CFAP77: variants seen among roughly 807,000 people sequenced by gnomAD.
The protein encoded by CFAP77 is cilia and flagella associated protein 77, also known as cilia- and flagella-associated protein 77.
CFAP77 carries 25 observed loss-of-function variants against 31.1 expected under a neutral mutation model. The ratio of observed to expected loss-of-function variants is 0.80; its 90% CI spans 0.59 to 1.12. The LOEUF is 1.12. CFAP77 is among the 50% of genes most tolerant of loss of function. The pLI, the probability that CFAP77 is intolerant of heterozygous loss-of-function variation, is 0.00. For synonymous variants in CFAP77, 151 were observed against 159.9 expected, an observed-to-expected ratio of 0.94 and a Z score of 0.42; for missense variants, 377 against 397.3, an observed-to-expected ratio of 0.95 and a Z score of 0.44.
At chr9:132,447,300 T>C (rs1315492634) in intron 1 of CFAP77, among the ~76,000 whole-genome samples, 1 of 152,232 alleles carries the variant, frequency 6.6e-6, no homozygotes, top group East Asian at 1.9e-4. Flanking sequence ...AGAACCTGCC[T>C]CTTTCTGGGG....
At chr9:132,530,944 G>GTATC (rs1380832156) in intron 3 of CFAP77, among the ~76,000 whole-genome samples, 1 of 152,088 alleles carries the variant, frequency 6.6e-6, no homozygotes, top group Non-Finnish European at 1.5e-5. Flanking sequence ...GTTAATTCTT[G>GTATC]TATCAGGTGT....
At chr9:132,465,073 C>CAAAAAAAAAAAAAAAAAAAAAAAAA (rs773917029) in intron 1 of CFAP77, among the ~76,000 whole-genome samples, 1 of 82,858 alleles carries the variant, frequency 1.2e-5, no homozygotes, top group African/African-American at 4.1e-5. Flanking sequence ...GACTCTGTCT[C>CAAAAAAAAAAAAAAAAAAAAAAAAA]AAAAAAAAAA....
chr9:132,479,007 A>G (rs929480656), intron 1 of CFAP77, among the ~76,000 whole-genome samples: 1 of 152,176 alleles, frequency 6.6e-6, no homozygotes, highest in Admixed American at 6.5e-5. Context: ...GTTGCACCAA[A>G]TCTGTCTATT....
chr9:132,477,972 T>G (rs1851378973), intron 1 of CFAP77, among the ~76,000 whole-genome samples: 1 of 152,172 alleles, frequency 6.6e-6, no homozygotes, highest in South Asian at 2.1e-4. Context: ...TCCAAATGTT[T>G]GCAATTTCTT....
chr9:132,428,815 C>T (rs1006141353), intron 1 of CFAP77, among the ~76,000 whole-genome samples: 1 of 151,944 alleles, frequency 6.6e-6, no homozygotes, highest in African/African-American at 2.4e-5. Flanking sequence ...TTTGAAGACC[C>T]CCCCCTGCTC....
At position 132,410,413 on chromosome 9, in the gene CFAP77, G is replaced by A. The variant is rs771510770; in HGVS notation, c.142G>A (p.Glu48Lys). 2 of 1,602,092 alleles carry A rather than the reference G, an allele frequency of 1.2e-6. No homozygotes were observed. Residue 48 changes from glutamate to lysine, a missense_variant, in exon 1 of 6, where the codon GAG becomes AAG. Glu to Lys is a moderately conservative substitution (Grantham distance 56). Coordinates refer to ENST00000393216, the MANE Select transcript of CFAP77 (RefSeq NM_001282957.2). Reference protein sequence around the residue: ...VADIRSGMENERLGVVRDSMF... With the variant: ...VADIRSGMENKRLGVVRDSMF... ...GGACATCCGTTCCGGCATGGAGAACGAGCGGCTGGGGGTCGTGCGGGACTC... is the reference window on the plus strand; with the variant it reads ...GGACATCCGTTCCGGCATGGAGAACAAGCGGCTGGGGGTCGTGCGGGACTC...
At chr9:132,462,768 G>T (rs1162410821) in intron 1 of CFAP77, among the ~76,000 whole-genome samples, 1 of 151,986 alleles carries the variant, frequency 6.6e-6, no homozygotes, top group African/African-American at 2.4e-5. Flanking sequence ...GTGAGCCGAG[G>T]TCGTGCCACC....
intron 4 of CFAP77, 143 bp from the exon 5 acceptor site, chr9:132,542,803 G>T: frequency 4.2e-6 from 2 of 471,556 alleles, no homozygotes; most frequent in Non-Finnish European, 8.1e-6. Flanking sequence ...AAACAGCCTT[G>T]GAGAAGGGCT....
In CFAP77 at chr9:132,497,497, C is replaced by T. The variant is rs1406786907; in HGVS notation, c.196-1198C>T. Among the ~76,000 whole-genome samples, 1 of 152,230 alleles carries T rather than the reference C, an allele frequency of 6.6e-6. No homozygotes were observed. The highest frequency in any genetic ancestry group is 6.5e-5 in the Admixed American group (1 of 15,280). On this transcript the variant is annotated intron_variant, in intron 1 of 5. Coordinates refer to ENST00000393216, the MANE Select transcript of CFAP77 (RefSeq NM_001282957.2). The surrounding 1 kb of genome is among the most constrained non-coding windows in gnomAD (Gnocchi z 4.9). ...TGGACAGTGGAAGGAGCAGCTGCAC[C>T]CACCCTTCTCAGTAATGGCCCCGGG...
chr9:132,471,185 T>C (rs1662844951), intron 1 of CFAP77, among the ~76,000 whole-genome samples: 2 of 152,074 alleles, frequency 1.3e-5, no homozygotes, highest in African/African-American at 4.8e-5. Context: ...ATGTAATCAG[T>C]TGGGAGAACC....
chr9:132,410,269 A>G lies in CFAP77; in HGVS notation c.-3A>G. 1 of 1,564,516 alleles carries G rather than the reference A, an allele frequency of 6.4e-7. No individual in the cohort carries two copies. The highest frequency in any genetic ancestry group is 8.6e-7 in the Non-Finnish European group (1 of 1,157,706). ...GCGGGCCGGCTCCCCGGCGACCTCAAGGATGCCAGAGGCCAGGAGCTCCGG... is the reference window on the plus strand; with the variant it reads ...GCGGGCCGGCTCCCCGGCGACCTCAGGGATGCCAGAGGCCAGGAGCTCCGG... On this transcript the variant is annotated 5_prime_UTR_variant, in exon 1 of 6. Coordinates refer to ENST00000393216, the MANE Select transcript of CFAP77 (RefSeq NM_001282957.2).
chr9:132,432,766 T>C (rs761063774), intron 1 of CFAP77, among the ~76,000 whole-genome samples: 3 of 152,074 alleles, frequency 2.0e-5, no homozygotes, highest in Admixed American at 6.5e-5. Flanking sequence ...TGGGCTGGAG[T>C]GCAGTGGCGC....
At chr9:132,452,943 G>A (rs915927564) in intron 1 of CFAP77, among the ~76,000 whole-genome samples, 58 of 152,280 alleles carry the variant, frequency 3.8e-4, no homozygotes, top group Middle Eastern at 3.4e-3. Context: ...TCTTAGTGGC[G>A]CTGCCATTAA....
intron 1 of CFAP77, among the ~76,000 whole-genome samples, chr9:132,416,900 G>T (rs1850111634): frequency 6.6e-6 from 1 of 152,048 alleles, no homozygotes; most frequent in Non-Finnish European, 1.5e-5. Context: ...GCCTTCCAAA[G>T]TGCTGGGATT....
At chr9:132,413,618 C>T (rs974535174) in intron 1 of CFAP77, among the ~76,000 whole-genome samples, 1 of 152,168 alleles carries the variant, frequency 6.6e-6, no homozygotes, top group African/African-American at 2.4e-5. Context: ...CAATAGCCTT[C>T]AAGACTCCTT....
chr9:132,546,483 A>G (rs947764984), intron 5 of CFAP77, among the ~76,000 whole-genome samples: 15 of 152,234 alleles, frequency 9.9e-5, no homozygotes, highest in African/African-American at 3.6e-4. Context: ...GCAGATGTCG[A>G]CGCTGAACTC....
chr9:132,497,363 C>T lies in CFAP77; in HGVS notation c.196-1332C>T, dbSNP rs1270896223. On this transcript the variant is annotated intron_variant, in intron 1 of 5. Coordinates refer to ENST00000393216, the MANE Select transcript of CFAP77 (RefSeq NM_001282957.2). The surrounding 1 kb of genome is among the most constrained non-coding windows in gnomAD (Gnocchi z 4.9). ...GGCAGGAGACAGCGAGGCCAGAGCCCACCAGACCCTCTGGACAGTCTTTGG... is the reference window on the plus strand; with the variant it reads ...GGCAGGAGACAGCGAGGCCAGAGCCTACCAGACCCTCTGGACAGTCTTTGG... 2.0e-5 allele frequency among the ~76,000 whole-genome samples: 3 copies of T among 152,242 alleles called. No homozygotes were observed. Among genetic ancestry groups the T allele is most frequent in the African/African-American group, 7.2e-5 (3 of 41,466 alleles).
intron 1 of CFAP77, among the ~76,000 whole-genome samples, chr9:132,486,976 G>A (rs1411484544): frequency 2.0e-5 from 3 of 152,266 alleles, no homozygotes; most frequent in African/African-American, 7.2e-5. Flanking sequence ...GGACCAGGCA[G>A]GCGGCAGAGC....
intron 5 of CFAP77, among the ~76,000 whole-genome samples, chr9:132,570,590 T>C (rs1829945548): frequency 6.6e-6 from 1 of 152,208 alleles, no homozygotes; most frequent in African/African-American, 2.4e-5. Context: ...TAAGCACTTG[T>C]GGGCATTTTT....
Sources: gnomAD v4.1 joint callset for allele counts (sites outside exome capture counted in the v4.1 genomes callset) on GRCh38, gnomAD v4.1.1 for gene constraint, Gnocchi (gnomAD v3.1) non-coding constraint, MANE v1.5 for transcripts, NCBI Gene and HGNC (gene_info 2026-07-23, HGNC 2026-07-21) for gene names.